The following PALB2 variants were observed in gnomAD, a reference collection of about 807,000 sequenced individuals.
PALB2 encodes the protein partner and localizer of BRCA2.
PALB2 carries 82 observed loss-of-function variants against 107.4 expected under a neutral mutation model. That is an observed-to-expected ratio of 0.76 (90% CI 0.64 to 0.92). The LOEUF is 0.92. Among genes scored for constraint, PALB2 ranks in the 40% least tolerant of loss-of-function variants. PALB2 has a pLI of 0.00. For missense variants in PALB2, 1,374 were observed against 1,379.9 expected (o/e 1.00, Z 0.07); for synonymous variants, 489 against 496.8 (o/e 0.98, Z 0.21).
rs2142414816 is a variant in PALB2, at chr16:23,635,073, A to G, written c.1473T>C (p.Ala491=). The change falls in exon 4 of 13, where the codon GCT becomes GCC. Residue 491 remains alanine (A), a synonymous_variant. Transcript: ENST00000261584. ...LLSLTKVSSP[A]GPTEDNDLSR... is the part of the protein sequence containing the mutation. ...ACAAGTCATTATCTTCAGTGGGCCC[A>G]GCGGGAGAGCTGACTTTAGTTAATG... 1 of 1,614,162 alleles carries G rather than the reference A, an allele frequency of 6.2e-7. No individual in the cohort carries two copies. The highest frequency in any genetic ancestry group is 8.5e-7 in the Non-Finnish European group (1 of 1,180,024).
chr16:23,603,546 A>T lies in PALB2; in HGVS notation c.3474T>A (p.His1158Gln), dbSNP rs730881896. The change falls in exon 13 of 13, where the codon CAT (histidine) becomes CAA (glutamine). Residue 1158 changes from histidine to glutamine, a missense_variant. Coordinates refer to ENST00000261584, the MANE Select transcript of PALB2 (RefSeq NM_024675.4). Reference sequence around the variant, plus strand: ...TACCCGACCATTTCACAAAAGACCAATGTTGGTCAGAGACAGGTGGGAGGA... The same window carrying T: ...TACCCGACCATTTCACAAAAGACCATTGTTGGTCAGAGACAGGTGGGAGGA... ...TALLPPVSDQHWSFVKWSGTD... is the reference protein window; with the variant it reads ...TALLPPVSDQQWSFVKWSGTD... 7 of 1,614,130 alleles carry T rather than the reference A, an allele frequency of 4.3e-6. No homozygotes were observed. The highest frequency in any genetic ancestry group is 5.9e-6 in the Non-Finnish European group (7 of 1,180,008).
At chr16:23,608,795 T>TACACACACACACACAC (rs1421547760) in intron 11 of PALB2, among the ~76,000 whole-genome samples, 53 of 113,300 alleles carry the variant, frequency 4.7e-4, no homozygotes, top group African/African-American at 8.9e-4. Flanking sequence ...TATGTGTGTA[T>TACACACACACACACAC]ATATATACAC....
At chr16:23,626,461 T>C (rs1163371604) in intron 6 of PALB2, 64 bp from the exon 7 acceptor site, 7 of 1,545,812 alleles carry the variant, frequency 4.5e-6, no homozygotes, top group Non-Finnish European at 6.3e-6. Flanking sequence ...AAAGCATAAG[T>C]ATGCAAAGTG....
chr16:23,625,430 C>G (rs183328506), intron 7 of PALB2, among the ~76,000 whole-genome samples: 2 of 152,228 alleles, frequency 1.3e-5, no homozygotes. Flanking sequence ...CTCTGGGAGG[C>G]TGAGGCAGGC....
chr16:23,606,156 A>ACTAT (rs1966469699), intron 12 of PALB2, among the ~76,000 whole-genome samples: 1 of 152,220 alleles, frequency 6.6e-6, no homozygotes, highest in Non-Finnish European at 1.5e-5. Flanking sequence ...AGGGCCAACG[A>ACTAT]CTATCGTTCT....
rs1019525144 is a variant in PALB2 at position 23,630,311 on chromosome 16, G to C, written c.1843C>G (p.Pro615Ala). 1 of 1,614,150 alleles carries C rather than the reference G, an allele frequency of 6.2e-7. No homozygotes were observed. Residue 615 changes from proline to alanine, a missense_variant, in exon 5 of 13, where the codon CCT becomes GCT. By Grantham distance (27) the Pro-to-Ala change is conservative. Transcript: ENST00000261584. ...SFLSITDFQL[P>A]DEDFGPLKLE... ...TTAAGAGGTCCAAAGTCTTCATCAGGTAACTGAAAGTCTGTGATACTGAGA... is the reference window on the plus strand; with the variant it reads ...TTAAGAGGTCCAAAGTCTTCATCAGCTAACTGAAAGTCTGTGATACTGAGA...
intron 10 of PALB2, among the ~76,000 whole-genome samples, chr16:23,615,415 CCACCT>C (rs1199241334): frequency 6.6e-6 from 1 of 152,024 alleles, no homozygotes; most frequent in Non-Finnish European, 1.5e-5. Context: ...AGCGATCCTC[CCACCT>C]CACTGCCCCA....
At chr16:23,637,368 TAG>T (rs1241868566) in intron 3 of PALB2, among the ~76,000 whole-genome samples, 2 of 151,768 alleles carry the variant, frequency 1.3e-5, no homozygotes, top group Non-Finnish European at 2.9e-5. Context: ...TAACTGAAAA[TAG>T]AGACTATAGA....
chr16:23,634,358 G>A (rs1435037879), intron 4 of PALB2, among the ~76,000 whole-genome samples: 5 of 152,196 alleles, frequency 3.3e-5, no homozygotes, highest in Admixed American at 2.6e-4. Flanking sequence ...CATTTAGAAA[G>A]TGCCAGGCAA....
At chr16:23,612,944 G>A (rs1277855025) in intron 11 of PALB2, among the ~76,000 whole-genome samples, 1 of 151,394 alleles carries the variant, frequency 6.6e-6, no homozygotes, top group African/African-American at 2.4e-5. Context: ...GTAGAGGTGG[G>A]CTTTCACCAT....
In PALB2 at chr16:23,635,090, T is replaced by G; in HGVS notation, c.1456A>C (p.Lys486Gln). 2 of 1,614,188 alleles carry G rather than the reference T, an allele frequency of 1.2e-6. No individual in the cohort carries two copies. Among genetic ancestry groups the G allele is most frequent in the South Asian group, 2.2e-5 (2 of 91,084 alleles). ...RTSQKLLSLT[K>Q]VSSPAGPTED... ...GTGGGCCCAGCGGGAGAGCTGACTTTAGTTAATGAGAGAAGTTTCTGAGAG... is the reference window on the plus strand; with the variant it reads ...GTGGGCCCAGCGGGAGAGCTGACTTGAGTTAATGAGAGAAGTTTCTGAGAG... Residue 486 changes from lysine (K) to glutamine (Q), a missense_variant, in exon 4 of 13, where the codon AAA (lysine) becomes CAA (glutamine). Physicochemically the swap from Lys to Gln is moderately conservative, Grantham distance 53 (BLOSUM62 1). Transcript: ENST00000261584.
chr16:23,603,856 T>C (rs1377628698), intron 12 of PALB2, among the ~76,000 whole-genome samples, 187 bp from the exon 13 acceptor site: 2 of 152,192 alleles, frequency 1.3e-5, no homozygotes, highest in African/African-American at 4.8e-5. Context: ...CAGAATCACA[T>C]GTCCAGTTCC....
intron 11 of PALB2, among the ~76,000 whole-genome samples, chr16:23,608,390 C>T (rs1966520597): frequency 6.6e-6 from 1 of 152,094 alleles, no homozygotes. Context: ...TTCCGGTTCC[C>T]AGTGTTTGTT....
intron 11 of PALB2, among the ~76,000 whole-genome samples, chr16:23,611,075 T>C (rs1966576293): frequency 7.3e-6 from 1 of 137,366 alleles, no homozygotes; most frequent in African/African-American, 2.6e-5. Flanking sequence ...AATTCAACTG[T>C]CAGTCTATCT....
intron 12 of PALB2, chr16:23,607,496 C>G (rs1289182831): frequency 1.3e-5 from 4 of 316,374 alleles, no homozygotes; most frequent in Non-Finnish European, 2.5e-5. Flanking sequence ...GGGTCTTGCT[C>G]TGTTGTCCAA....
intron 12 of PALB2, among the ~76,000 whole-genome samples, chr16:23,606,899 G>C: frequency 7.0e-6 from 1 of 143,766 alleles, no homozygotes; most frequent in East Asian, 2.1e-4. Flanking sequence ...TCGGCTCACT[G>C]CAACCTCTGC....
intron 12 of PALB2, among the ~76,000 whole-genome samples, chr16:23,604,744 C>T (rs945929871): frequency 3.3e-5 from 5 of 150,390 alleles, no homozygotes; most frequent in Admixed American, 6.7e-5. Context: ...CCAACCTGGG[C>T]GATAAAGTGA....
At chr16:23,624,176 CTT>C (rs1966829372) in intron 7 of PALB2, 82 bp from the exon 8 acceptor site, 2 of 863,508 alleles carry the variant, frequency 2.3e-6, no homozygotes, top group South Asian at 2.8e-5. Flanking sequence ...TTATCACATT[CTT>C]TTGTATTCTC....
At chr16:23,631,279 C>CAAA (rs1157091932) in intron 4 of PALB2, among the ~76,000 whole-genome samples, 1 of 23,646 alleles carries the variant, frequency 4.2e-5, no homozygotes, top group Non-Finnish European at 8.2e-5. Flanking sequence ...GACTCTGTCT[C>CAAA]AAAAAAAAAA....
Sources: allele counts gnomAD v4.1 joint callset (sites outside exome capture counted in the v4.1 genomes callset), GRCh38; gene constraint gnomAD v4.1.1; transcripts MANE v1.5; gene names NCBI Gene and HGNC (gene_info 2026-07-23, HGNC 2026-07-21).